Variants in TSNARE1 observed in about 807,000 individuals in gnomAD.
TSNARE1 encodes t-SNARE domain-containing protein 1.
In TSNARE1, 49 loss-of-function variants were observed where a neutral mutation model predicts 62.0. The observed-to-expected ratio is 0.79, with a 90% confidence interval of 0.63 to 1.00. TSNARE1 has a LOEUF of 1.00. Among genes scored for constraint, TSNARE1 ranks in the 50% least tolerant of loss-of-function variants. TSNARE1 has a pLI of 0.00. For missense variants in TSNARE1, 755 were observed against 700.1 expected, an observed-to-expected ratio of 1.08 and a Z score of -0.88; for synonymous variants, 328 against 294.4, an observed-to-expected ratio of 1.11 and a Z score of -1.17.
At chr8:142,293,568 G>A (rs557749726) in intron 10 of TSNARE1, among the ~76,000 whole-genome samples, 135 of 152,350 alleles carry the variant, frequency 8.9e-4, no homozygotes, top group African/African-American at 3.2e-3. Flanking sequence ...GGCTGTGCCT[G>A]AGCCTGGGAT....
intron 1 of TSNARE1, among the ~76,000 whole-genome samples, chr8:142,382,775 G>T (rs1182555916): frequency 6.6e-6 from 1 of 152,252 alleles, no homozygotes; most frequent in African/African-American, 2.4e-5. Context: ...CCTGCCTAGG[G>T]CCAGTGGCCG....
chr8:142,406,215 G>A (rs938231921), upstream of TSNARE1: 11 of 152,452 alleles, frequency 7.2e-5, no homozygotes, highest in Admixed American at 3.9e-4. Context: ...CAATGGCACC[G>A]TCAGACTCAT....
At chr8:142,280,394 G>A (rs1014325890) in intron 11 of TSNARE1, 3 of 902,544 alleles carry the variant, frequency 3.3e-6, no homozygotes, top group African/African-American at 1.8e-5. Context: ...GGGGTCACAG[G>A]TCATCACAGG....
At chr8:142,294,663 T>C (rs1199337464) in intron 10 of TSNARE1, among the ~76,000 whole-genome samples, 1 of 152,188 alleles carries the variant, frequency 6.6e-6, no homozygotes, top group African/African-American at 2.4e-5. Context: ...GCAGGGTCCA[T>C]ACAGGGCCGG....
rs1836288695 is a variant in TSNARE1, at chr8:142,375,832, T to C, written c.-39-21069A>G. Among the ~76,000 whole-genome samples, 4 of 152,220 alleles carry C rather than the reference T, an allele frequency of 2.6e-5. No homozygotes were observed. The South Asian group carries it at 6.2e-4, about 24-fold the overall frequency. ...TGCTCCCAGGCCTGGCTGGCTCCCA[T>C]GAGGCTCCAGCTTCCAGCACAGGCC... On this transcript the variant is annotated intron_variant, in intron 1 of 13. Coordinates refer to ENST00000524325, the MANE Select transcript of TSNARE1 (RefSeq NM_145003.5).
At chr8:142,269,097 C>T (rs1460662260) in intron 12 of TSNARE1, among the ~76,000 whole-genome samples, 2 of 152,254 alleles carry the variant, frequency 1.3e-5, no homozygotes, top group Non-Finnish European at 2.9e-5. Context: ...GTTTCTGTAT[C>T]CTCAGCACTT....
At chr8:142,267,670 C>T (rs745948358) in intron 12 of TSNARE1, among the ~76,000 whole-genome samples, 4 of 152,206 alleles carry the variant, frequency 2.6e-5, no homozygotes, top group Non-Finnish European at 4.4e-5. Context: ...CCACTCCCCC[C>T]GGCCTCTTTC....
At chr8:142,324,226 C>A (rs1456539401) in intron 6 of TSNARE1, among the ~76,000 whole-genome samples, 1 of 152,240 alleles carries the variant, frequency 6.6e-6, no homozygotes. Context: ...GCACCTGAAG[C>A]CCCACGACCG....
chr8:142,352,173 C>A (rs1281774075), intron 2 of TSNARE1, among the ~76,000 whole-genome samples: 4 of 152,336 alleles, frequency 2.6e-5, no homozygotes, highest in African/African-American at 9.6e-5. Context: ...ATCTCCAGAG[C>A]ACAGGAGGGA....
chr8:142,371,827 C>T (rs1025226264), intron 1 of TSNARE1, among the ~76,000 whole-genome samples: 2 of 152,166 alleles, frequency 1.3e-5, no homozygotes, highest in Non-Finnish European at 2.9e-5. Context: ...AACAACAACC[C>T]ACAGGCACTC....
At chr8:142,372,688 C>A (rs531036689) in intron 1 of TSNARE1, among the ~76,000 whole-genome samples, 1 of 152,180 alleles carries the variant, frequency 6.6e-6, no homozygotes, top group Non-Finnish European at 1.5e-5. Flanking sequence ...AGCTCACATA[C>A]GCAGAAGGAC....
intron 12 of TSNARE1, chr8:142,269,604 C>T: frequency 1.0e-6 from 1 of 985,062 alleles, no homozygotes; most frequent in Non-Finnish European, 1.2e-6. Context: ...GCTGTGATTA[C>T]AGGCATGAGC....
chr8:142,403,795 G>A (rs1052092875), upstream of TSNARE1: 5 of 152,236 alleles, frequency 3.3e-5, no homozygotes, highest in African/African-American at 1.2e-4. Context: ...AGAGTAGGGA[G>A]CCCCTTGCGG....
At chr8:142,280,307 C>T (rs1821206063) in intron 11 of TSNARE1, 1 of 985,268 alleles carries the variant, frequency 1.0e-6, no homozygotes, top group Non-Finnish European at 1.2e-6. Flanking sequence ...TGGCAGATGG[C>T]TTTGCTGCTG....
At chr8:142,277,692 G>C (rs950048812) in intron 11 of TSNARE1, 1 of 985,348 alleles carries the variant, frequency 1.0e-6, no homozygotes, top group East Asian at 1.1e-4. Flanking sequence ...GCAGCTCACA[G>C]GCACCAAAGA....
At chr8:142,273,503 C>T (rs926390905) in intron 12 of TSNARE1, 25 of 985,300 alleles carry the variant, frequency 2.5e-5, no homozygotes, top group Non-Finnish European at 2.9e-5. Flanking sequence ...GGAGACCCAG[C>T]CCCAGCCTTG....
intron 1 of TSNARE1, among the ~76,000 whole-genome samples, chr8:142,363,377 G>A (rs1026066909): frequency 1.3e-5 from 2 of 152,130 alleles, no homozygotes; most frequent in South Asian, 2.1e-4. Flanking sequence ...TTTTCAGTGG[G>A]AACCAGGGGG....
intron 1 of TSNARE1, among the ~76,000 whole-genome samples, chr8:142,376,692 C>G (rs1222101792): frequency 6.6e-6 from 1 of 152,202 alleles, no homozygotes; most frequent in Non-Finnish European, 1.5e-5. Flanking sequence ...GAGAAGGTGT[C>G]AGGCAGAGAG....
intron 2 of TSNARE1, 25 bp from the exon 3 acceptor site, chr8:142,345,917 G>T (rs367616188): frequency 6.2e-7 from 1 of 1,605,044 alleles, no homozygotes; most frequent in Non-Finnish European, 8.5e-7. Context: ...GGACAGTCAC[G>T]ATTACTCTCA....
Sources: allele counts gnomAD v4.1 joint callset (sites outside exome capture counted in the v4.1 genomes callset), GRCh38; gene constraint gnomAD v4.1.1; transcripts MANE v1.5; gene names NCBI Gene and HGNC (gene_info 2026-07-23, HGNC 2026-07-21).